The following SNW1 variants were observed in gnomAD, a reference collection of about 807,000 sequenced individuals.
The protein encoded by SNW1 is SNW domain containing 1.
Under a neutral mutation model 75.6 loss-of-function variants are expected in SNW1, and 9 were observed. That is an observed-to-expected ratio of 0.12 (90% CI 0.07 to 0.21). The LOEUF is 0.21. Ranked by LOEUF, SNW1 falls within the 10% of genes least tolerant of loss-of-function variation. The pLI, the probability that SNW1 is intolerant of heterozygous loss-of-function variation, is 1.00. For missense variants in SNW1, 409 were observed against 670.9 expected, an observed-to-expected ratio of 0.61 and a Z score of 4.31; for synonymous variants, 200 against 219.1, an observed-to-expected ratio of 0.91 and a Z score of 0.77.
chr14:77,720,487 T>G (rs2080530345), intron 12 of SNW1: 1 of 704,870 alleles, frequency 1.4e-6, no homozygotes, highest in Admixed American at 2.0e-5. Flanking sequence ...CACCAAGTTT[T>G]TAATCACCTA....
In SNW1 at chr14:77,718,152, C is replaced by G; in HGVS notation, c.1547G>C (p.Arg516Thr). The change falls in exon 14 of 14, where the codon AGA becomes ACA. Residue 516 changes from arginine (R) to threonine (T), a missense_variant. This residue lies in a region of SNW1 where 24 missense variants were observed against 31.0 expected (regional missense o/e 0.77). Coordinates refer to ENST00000261531, the MANE Select transcript of SNW1 (RefSeq NM_012245.3). Reference sequence around the variant, plus strand: ...CTTGGGGCGGCTGCTATCTGAGGGTCTTTTAGAGCCACCATGCTGTTTGGC... The same window carrying G: ...CTTGGGGCGGCTGCTATCTGAGGGTGTTTTAGAGCCACCATGCTGTTTGGC... ...EEAKQHGGSK[R>T]PSDSSRPKEH... 2 of 1,613,000 alleles carry G rather than the reference C, an allele frequency of 1.2e-6. No homozygotes were observed. The highest frequency in any genetic ancestry group is 1.7e-5 in the Admixed American group (1 of 59,628).
chr14:77,749,806 C>T (rs1323222274), intron 3 of SNW1, among the ~76,000 whole-genome samples: 3 of 152,102 alleles, frequency 2.0e-5, no homozygotes, highest in Admixed American at 6.6e-5. Flanking sequence ...AGGAAAGAGC[C>T]GTTAGAAGAG....
At chr14:77,758,207 G>A (rs1405523215) in intron 1 of SNW1, among the ~76,000 whole-genome samples, 2 of 147,504 alleles carry the variant, frequency 1.4e-5, no homozygotes, top group Non-Finnish European at 3.0e-5. Context: ...GCGGACGCCT[G>A]TAATCCCAGC....
intron 7 of SNW1, 105 bp downstream of exon 7, chr14:77,735,832 T>A (rs2080666671): frequency 7.0e-6 from 5 of 716,662 alleles, no homozygotes; most frequent in Admixed American, 5.9e-5. Flanking sequence ...AAAAAGAAAC[T>A]ACAAGTCAGT....
chr14:77,755,075 A>G lies in SNW1; in HGVS notation c.60T>C (p.Ala20=). The change falls in exon 2 of 14, where the codon GCT becomes GCC. Residue 20 remains alanine (A), a synonymous_variant. Coordinates refer to ENST00000261531, the MANE Select transcript of SNW1 (RefSeq NM_012245.3). ...ATCTCTGGGATCTTGCCTTTTCTTCAGCCTCAAGCTGGTCCTGAGATAGCT... is the reference window on the plus strand; with the variant it reads ...ATCTCTGGGATCTTGCCTTTTCTTCGGCCTCAAGCTGGTCCTGAGATAGCT... ...PTQLSQDQLE[A]EEKARSQRSR... 1 of 1,613,152 alleles carries G rather than the reference A, an allele frequency of 6.2e-7. No homozygotes were observed. Among genetic ancestry groups the G allele is most frequent in the South Asian group, 1.1e-5 (1 of 90,980 alleles).
rs532404945 is a variant in SNW1 at position 77,758,055 on chromosome 14, C to T, written c.15-2935G>A. On this transcript the variant is annotated intron_variant, in intron 1 of 13. Coordinates refer to ENST00000261531, the MANE Select transcript of SNW1 (RefSeq NM_012245.3). ...ATCAATCACAATTTTTCCGGCTGGG[C>T]GAGGTGGCTCACACCTGTAATTCCA... 7.9e-5 allele frequency among the ~76,000 whole-genome samples: 12 copies of T among 151,816 alleles called. No individual in the cohort carries two copies. The South Asian group carries it at 2.5e-3, about 32-fold the overall frequency.
intron 1 of SNW1, among the ~76,000 whole-genome samples, chr14:77,755,744 C>CTTT (rs61404145): frequency 6.9e-6 from 1 of 144,164 alleles, no homozygotes; most frequent in African/African-American, 2.6e-5. Context: ...TATTTCTTTC[C>CTTT]TTTTTTTTTT....
At chr14:77,755,535 C>T (rs1401087035) in intron 1 of SNW1, among the ~76,000 whole-genome samples, 8 of 152,132 alleles carry the variant, frequency 5.3e-5, no homozygotes, top group South Asian at 4.1e-4. Context: ...TTTCCTCCCT[C>T]AGCCTCCCAA....
intron 3 of SNW1, among the ~76,000 whole-genome samples, chr14:77,748,590 CT>C (rs944974013): frequency 9.4e-5 from 14 of 148,686 alleles, no homozygotes; most frequent in African/African-American, 1.5e-4. Flanking sequence ...ATTTGTATAA[CT>C]TTTTTTTTTA....
rs533911174 is a variant in SNW1 at position 77,721,927 on chromosome 14, T to C, written c.1131-1099A>G. On this transcript the variant is annotated intron_variant, in intron 11 of 13. Coordinates refer to ENST00000261531, the MANE Select transcript of SNW1 (RefSeq NM_012245.3). ...CACACCCAGCTAATTTTTGCATTTT[T>C]AGTAGAGATGGGGTTTCACCATGTT... 2.0e-5 allele frequency among the ~76,000 whole-genome samples: 3 copies of C among 152,192 alleles called. No individual in the cohort carries two copies. In the South Asian group the frequency reaches 6.2e-4, roughly 32 times the overall value.
chr14:77,736,149 C>A, intron 6 of SNW1, 143 bp from the exon 7 acceptor site: 1 of 572,722 alleles, frequency 1.7e-6, no homozygotes, highest in Non-Finnish European at 3.1e-6. Flanking sequence ...TTTACCACTC[C>A]ACTTTGACAA....
intron 11 of SNW1, chr14:77,721,077 G>T: frequency 4.4e-6 from 2 of 450,114 alleles, no homozygotes; most frequent in Middle Eastern, 6.3e-4. Flanking sequence ...CGTTGACATG[G>T]AATTCTTTAA....
chr14:77,720,854 C>G, intron 11 of SNW1, 26 bp from the exon 12 acceptor site: 1 of 1,423,794 alleles, frequency 7.0e-7, no homozygotes, highest in Non-Finnish European at 9.9e-7. Context: ...ACATCACTAA[C>G]TGAAAACTCT....
At chr14:77,755,991 G>A (rs991829000) in intron 1 of SNW1, among the ~76,000 whole-genome samples, 4 of 151,728 alleles carry the variant, frequency 2.6e-5, no homozygotes, top group Non-Finnish European at 4.4e-5. Flanking sequence ...TGCCCGCCCC[G>A]GCCTCCCAAA....
rs538576748 is a variant in SNW1, at chr14:77,756,804, G to A, written c.15-1684C>T. Among the ~76,000 whole-genome samples, 47 of 152,238 alleles carry A rather than the reference G, an allele frequency of 3.1e-4. 2 individuals are homozygous for A. In the South Asian group the frequency reaches 9.1e-3, roughly 30 times the overall value. On this transcript the variant is annotated intron_variant, in intron 1 of 13. Transcript: ENST00000261531. ...TGAGGCAGGAGAATCACTTGAATCC[G>A]GTAGGTGGAGGGTACAGTGAGCCAA...
At chr14:77,722,925 A>AGCTCC (rs1595073908) in intron 11 of SNW1, 2 of 461,242 alleles carry the variant, frequency 4.3e-6, no homozygotes, top group East Asian at 9.7e-5. Flanking sequence ...GCTCACTGCA[A>AGCTCC]GCTCCACCTC....
At chr14:77,744,446 C>CA (rs11335115) in intron 3 of SNW1, among the ~76,000 whole-genome samples, 2,518 of 82,838 alleles carry the variant, frequency 0.03, 55 homozygotes, top group Non-Finnish European at 0.034. Context: ...GTCTCCATCT[C>CA]AAAAAAAAAA....
intron 10 of SNW1, among the ~76,000 whole-genome samples, chr14:77,728,921 T>A (rs2080607319): frequency 6.6e-6 from 1 of 152,258 alleles, no homozygotes; most frequent in Non-Finnish European, 1.5e-5. Context: ...ATTAAAATTT[T>A]TAATTTCTTG....
In SNW1 at chr14:77,717,938, T is replaced by TC. The variant is rs138354053; in HGVS notation, c.*149dup. ...AAATAATTCAAAGTAGAATTTTCTATCCCCCCCATTTCTCCAGTAATAAAA... is the reference window on the plus strand; with the variant it reads ...AAATAATTCAAAGTAGAATTTTCTATCCCCCCCCATTTCTCCAGTAATAAAA... On this transcript the variant is annotated 3_prime_UTR_variant, in exon 14 of 14. Transcript: ENST00000261531. 0.14 allele frequency: 91,598 copies of TC among 665,530 alleles called. 7,165 individuals are homozygous for TC. Among genetic ancestry groups the TC allele is most frequent in the Middle Eastern group, 0.2 (496 of 2,460 alleles). 41.2% of individuals were successfully genotyped at this position (665,530 alleles called of 1,614,324 possible). A position where few individuals can be genotyped will look rare whatever the true frequency, so the allele number is the denominator to read the frequency against.
Sources: gnomAD v4.1 joint callset for allele counts (sites outside exome capture counted in the v4.1 genomes callset) on GRCh38, gnomAD v4.1.1 for gene constraint, gnomAD v4.1.1 regional missense constraint, MANE v1.5 for transcripts, NCBI Gene and HGNC (gene_info 2026-07-23, HGNC 2026-07-21) for gene names.